NCAPD3: variants seen among roughly 807,000 people sequenced by gnomAD.
NCAPD3 encodes the protein condensin-2 complex subunit D3.
NCAPD3 carries 105 observed loss-of-function variants against 182.9 expected under a neutral mutation model. That is an observed-to-expected ratio of 0.57 (90% CI 0.49 to 0.68). The LOEUF is 0.68. Among genes scored for constraint, NCAPD3 ranks in the 30% least tolerant of loss-of-function variants. NCAPD3 has a pLI of 0.00. For missense variants in NCAPD3, 1,944 were observed against 1,837.0 expected (o/e 1.06, Z -1.07); for synonymous variants, 815 against 679.9 (o/e 1.20, Z -3.09).
chr11:134,224,663 C>T (rs1417807191), upstream of NCAPD3: 2 of 152,364 alleles, frequency 1.3e-5, no homozygotes, highest in East Asian at 3.9e-4. Flanking sequence ...CCGCCCCCTC[C>T]CCCGCCCGGA....
intron 25 of NCAPD3, 61 bp from the exon 26 acceptor site, chr11:134,168,663 C>G: frequency 6.2e-7 from 1 of 1,601,414 alleles, no homozygotes; most frequent in Non-Finnish European, 8.5e-7. Context: ...GGATTTAACA[C>G]TGCACTTTAA....
intron 27 of NCAPD3, among the ~76,000 whole-genome samples, chr11:134,167,487 G>A (rs1450912287): frequency 7.0e-6 from 1 of 143,554 alleles, no homozygotes; most frequent in Non-Finnish European, 1.5e-5. Context: ...AGATGAGCTT[G>A]GGGGAGGCGC....
chr11:134,167,627 G>T (rs1186534518), intron 27 of NCAPD3, among the ~76,000 whole-genome samples: 48 of 80,414 alleles, frequency 6.0e-4, no homozygotes, highest in South Asian at 1.9e-3. Context: ...TTGGGGGAGG[G>T]GCACACTAGT....
intron 15 of NCAPD3, 77 bp downstream of exon 15, chr11:134,193,939 G>T: frequency 1.4e-6 from 2 of 1,442,896 alleles, no homozygotes; most frequent in South Asian, 1.3e-5. Context: ...TTAACGTTTA[G>T]CAGCAGGTAA....
intron 13 of NCAPD3, among the ~76,000 whole-genome samples, chr11:134,197,938 A>C (rs1359377856): frequency 6.6e-6 from 1 of 152,230 alleles, no homozygotes; most frequent in Non-Finnish European, 1.5e-5. Context: ...CTCAGCGGTG[A>C]AGACCAAAAG....
chr11:134,165,916 A>G (rs1218038385), intron 27 of NCAPD3, among the ~76,000 whole-genome samples: 2 of 117,582 alleles, frequency 1.7e-5, no homozygotes, highest in African/African-American at 3.4e-5. Context: ...CACTAGTGAG[A>G]TGAGCTTGGG....
intron 5 of NCAPD3, 35 bp downstream of exon 5, chr11:134,209,278 G>C (rs369220378): frequency 1.6e-5 from 25 of 1,609,378 alleles, no homozygotes; most frequent in Non-Finnish European, 2.0e-5. Flanking sequence ...CTAATCCTTT[G>C]AAGTTGCCCT....
intron 28 of NCAPD3, among the ~76,000 whole-genome samples, chr11:134,160,982 C>T (rs1309281150): frequency 6.6e-6 from 1 of 151,480 alleles, no homozygotes; most frequent in African/African-American, 2.4e-5. Flanking sequence ...TAAAGTCAGG[C>T]AATAAATACA....
chr11:134,210,193 G>A (rs1937778415), intron 4 of NCAPD3, 77 bp downstream of exon 4: 2 of 1,306,130 alleles, frequency 1.5e-6, no homozygotes, highest in African/African-American at 1.5e-5. Context: ...CTGAAACCAT[G>A]TTTAGTATAA....
chr11:134,215,871 T>A (rs969833530), intron 3 of NCAPD3, among the ~76,000 whole-genome samples: 1 of 152,088 alleles, frequency 6.6e-6, no homozygotes, highest in Non-Finnish European at 1.5e-5. Context: ...TATACTGTGA[T>A]CGAATGTTAA....
chr11:134,160,655 G>C (rs141224262), intron 28 of NCAPD3, among the ~76,000 whole-genome samples: 1 of 152,122 alleles, frequency 6.6e-6, no homozygotes, highest in Non-Finnish European at 1.5e-5. Context: ...CTTAAAGAGG[G>C]GTGCCAGGGG....
At chr11:134,189,220 T>A (rs1944474611) in intron 16 of NCAPD3, among the ~76,000 whole-genome samples, 1 of 152,242 alleles carries the variant, frequency 6.6e-6, no homozygotes, top group South Asian at 2.1e-4. Context: ...TATTTGTACC[T>A]TTTTTCTTGT....
chr11:134,197,326 G>C (rs1210368634), intron 13 of NCAPD3, among the ~76,000 whole-genome samples: 1 of 145,494 alleles, frequency 6.9e-6, no homozygotes, highest in Non-Finnish European at 1.5e-5. Context: ...GCCCAGGATG[G>C]AGTGCAGTCG....
At position 134,181,074 on chromosome 11, in the gene NCAPD3, T is replaced by G; in HGVS notation, c.2559+3A>C. On this transcript the variant is annotated splice_donor_region_variant and intron_variant, in intron 20 of 34. Transcript: ENST00000534548. ...AGAATGGTTAGGAAAAGCAGTCGCT[T>G]ACCAACAGGTCTTCGTCCATATTCC... 4 of 1,607,574 alleles carry G rather than the reference T, an allele frequency of 2.5e-6. No individual in the cohort carries two copies. Among genetic ancestry groups the G allele is most frequent in the Non-Finnish European group, 3.4e-6 (4 of 1,174,060 alleles).
chr11:134,178,950 T>G lies in NCAPD3; in HGVS notation c.2560-14A>C, dbSNP rs1001707270. On this transcript the variant is annotated splice_polypyrimidine_tract_variant and intron_variant, in intron 20 of 34. Coordinates refer to ENST00000534548, the MANE Select transcript of NCAPD3 (RefSeq NM_015261.3). ...AATGTACTTCACCTACAAAGATAAT[T>G]GGTTTTACAGTAAAAATAAGGCAAA... 2 of 1,583,330 alleles carry G rather than the reference T, an allele frequency of 1.3e-6. No individual in the cohort carries two copies. The highest frequency in any genetic ancestry group is 1.7e-6 in the Non-Finnish European group (2 of 1,152,886).
intron 19 of NCAPD3, among the ~76,000 whole-genome samples, chr11:134,181,894 C>T (rs979485165): frequency 4.6e-5 from 7 of 152,120 alleles, no homozygotes; most frequent in African/African-American, 1.7e-4. Flanking sequence ...CTGATGTGCA[C>T]GCACCTCCCC....
chr11:134,199,266 C>G (rs1944698563), intron 13 of NCAPD3, among the ~76,000 whole-genome samples: 1 of 152,122 alleles, frequency 6.6e-6, no homozygotes, highest in South Asian at 2.1e-4. Flanking sequence ...ACAGTTAAAG[C>G]AGACAATTAA....
chr11:134,196,582 T>G (rs1430060547), intron 13 of NCAPD3, among the ~76,000 whole-genome samples: 1 of 149,204 alleles, frequency 6.7e-6, no homozygotes, highest in Non-Finnish European at 1.5e-5. Context: ...GAGGCAGAGG[T>G]TGCAGTGAGC....
intron 27 of NCAPD3, among the ~76,000 whole-genome samples, chr11:134,167,682 TGGG>T (rs1208680153): frequency 2.0e-5 from 2 of 101,146 alleles, no homozygotes; most frequent in Non-Finnish European, 1.9e-5. Context: ...GAGATGAGCT[TGGG>T]GGAGGGGCAC....
Sources: allele counts gnomAD v4.1 joint callset (sites outside exome capture counted in the v4.1 genomes callset), GRCh38; gene constraint gnomAD v4.1.1; transcripts MANE v1.5; gene names NCBI Gene and HGNC (gene_info 2026-07-23, HGNC 2026-07-21).